Variants in PLPP3 observed in about 807,000 individuals in gnomAD.
PLPP3 encodes phospholipid phosphatase 3, also known as PAP2 beta.
A neutral mutation model predicts 29.6 loss-of-function variants in PLPP3; 6 were observed. That is an observed-to-expected ratio of 0.20 (90% confidence interval 0.11 to 0.40). The LOEUF (loss-of-function observed/expected upper bound fraction) is 0.40. Among genes scored for constraint, PLPP3 ranks in the 10% least tolerant of loss-of-function variants. PLPP3 has a pLI of 1.00. For missense variants in PLPP3, 308 were observed against 407.7 expected (o/e 0.76, Z 2.11); for synonymous variants, 152 against 159.7 (o/e 0.95, Z 0.36).
chr1:56,566,972 G>GA (rs1338174161), intron 1 of PLPP3, among the ~76,000 whole-genome samples: 1 of 152,174 alleles, frequency 6.6e-6, no homozygotes, highest in Non-Finnish European at 1.5e-5. Context: ...ATCAGGAACT[G>GA]AAAATAGATG....
chr1:56,575,724 G>A (rs1044899672), intron 1 of PLPP3, among the ~76,000 whole-genome samples: 1 of 152,122 alleles, frequency 6.6e-6, no homozygotes, highest in Non-Finnish European at 1.5e-5. Flanking sequence ...CTGAGACATG[G>A]TTTCTGGTTT....
intron 1 of PLPP3, among the ~76,000 whole-genome samples, chr1:56,545,500 A>G (rs1396957447): frequency 6.6e-6 from 1 of 152,174 alleles, no homozygotes; most frequent in Non-Finnish European, 1.5e-5. Context: ...AAGCATGCTC[A>G]TGAAGTCCTA....
At chr1:56,533,111 G>A (rs1645901506) in intron 2 of PLPP3, among the ~76,000 whole-genome samples, 1 of 151,460 alleles carries the variant, frequency 6.6e-6, no homozygotes, top group Non-Finnish European at 1.5e-5. Context: ...CTGGAGTGCA[G>A]TGGCATGATC....
intron 1 of PLPP3, among the ~76,000 whole-genome samples, chr1:56,551,167 C>T (rs2100282931): frequency 6.6e-6 from 1 of 152,270 alleles, no homozygotes; most frequent in South Asian, 2.1e-4. Context: ...TACATATTAT[C>T]CACAGATGTA....
At chr1:56,544,629 G>A (rs1415123476) in intron 1 of PLPP3, among the ~76,000 whole-genome samples, 2 of 152,206 alleles carry the variant, frequency 1.3e-5, no homozygotes, top group African/African-American at 4.8e-5. Context: ...ATTTGTTTCA[G>A]TATCCACTCT....
At chr1:56,532,208 G>A (rs1645893892) in intron 2 of PLPP3, among the ~76,000 whole-genome samples, 1 of 152,126 alleles carries the variant, frequency 6.6e-6, no homozygotes, top group Admixed American at 6.5e-5. Flanking sequence ...TTCCCCCAGG[G>A]ATAAGAAGGT....
At position 56,579,119 on chromosome 1, in the gene PLPP3, T is replaced by G; in HGVS notation, c.-103A>C. The G allele has an allele frequency of 6.8e-7, 1 of 1,473,122 alleles. No homozygotes were observed. The highest frequency in any genetic ancestry group is 9.0e-7 in the Non-Finnish European group (1 of 1,114,286). 91.3% of individuals were successfully genotyped at this position (1,473,122 alleles called of 1,614,324 possible). On this transcript the variant is annotated 5_prime_UTR_variant, in exon 1 of 6. Transcript: ENST00000371250. ...GCCTCCTGGCCGAGGCTGCTGCGGA[T>G]AGTGGCGGGTCGGCCCCGGCTCCGG...
intron 1 of PLPP3, among the ~76,000 whole-genome samples, chr1:56,578,301 T>C (rs1646250080): frequency 6.6e-6 from 1 of 152,262 alleles, no homozygotes; most frequent in South Asian, 2.1e-4. Context: ...ACTCAAGTGA[T>C]TGCTGAAGCC....
chr1:56,509,001 C>T (rs986174053), intron 5 of PLPP3, among the ~76,000 whole-genome samples: 1 of 152,198 alleles, frequency 6.6e-6, no homozygotes, highest in Non-Finnish European at 1.5e-5. Context: ...TCAGTAGCCA[C>T]AGCTTCCAGG....
At chr1:56,549,377 G>A (rs907811685) in intron 1 of PLPP3, among the ~76,000 whole-genome samples, 13 of 152,086 alleles carry the variant, frequency 8.5e-5, no homozygotes, top group African/African-American at 3.1e-4. Flanking sequence ...AGCAAGTCTG[G>A]GAGTTAAGTA....
intron 1 of PLPP3, among the ~76,000 whole-genome samples, chr1:56,572,253 T>C (rs1427180896): frequency 6.6e-6 from 1 of 152,018 alleles, no homozygotes; most frequent in Non-Finnish European, 1.5e-5. Flanking sequence ...TTTCACCATG[T>C]TGACCAGGCT....
intron 1 of PLPP3, among the ~76,000 whole-genome samples, chr1:56,545,683 TA>T (rs1249206888): frequency 6.6e-6 from 1 of 152,000 alleles, no homozygotes; most frequent in East Asian, 1.9e-4. Context: ...TTGAGAAAAA[TA>T]CATTTATTTT....
intron 4 of PLPP3, among the ~76,000 whole-genome samples, chr1:56,522,979 C>T (rs191263306): frequency 1.3e-5 from 2 of 152,268 alleles, no homozygotes; most frequent in Admixed American, 1.3e-4. Flanking sequence ...GGCACTTCAC[C>T]TGCATTACCC....
At chr1:56,538,764 C>T (rs1385658202) in intron 1 of PLPP3, 2 of 171,788 alleles carry the variant, frequency 1.2e-5, no homozygotes, top group East Asian at 1.6e-4. Context: ...GCTGAGATAA[C>T]TTCCTAAAAA....
chr1:56,541,784 C>T (rs1213055736), intron 1 of PLPP3, among the ~76,000 whole-genome samples: 1 of 152,074 alleles, frequency 6.6e-6, no homozygotes, highest in East Asian at 1.9e-4. Flanking sequence ...CTCATGGCCT[C>T]TGATGAAAAA....
At chr1:56,575,429 C>A (rs1428905860) in intron 1 of PLPP3, among the ~76,000 whole-genome samples, 1 of 152,152 alleles carries the variant, frequency 6.6e-6, no homozygotes, top group Admixed American at 6.5e-5. Context: ...CAAAAAACAT[C>A]CAAAAACGTG....
intron 1 of PLPP3, among the ~76,000 whole-genome samples, chr1:56,543,575 T>C (rs1295099473): frequency 6.6e-6 from 1 of 152,252 alleles, no homozygotes; most frequent in Non-Finnish European, 1.5e-5. Context: ...ACAGGGCTTC[T>C]ATTTAAAGTA....
intron 1 of PLPP3, among the ~76,000 whole-genome samples, chr1:56,551,693 T>A (rs1646040756): frequency 6.6e-6 from 1 of 152,158 alleles, no homozygotes; most frequent in African/African-American, 2.4e-5. Flanking sequence ...ATAGAATGGG[T>A]CTTGGCGAAT....
At chr1:56,500,008 G>T (rs575497470) in intron 5 of PLPP3, among the ~76,000 whole-genome samples, 4 of 152,300 alleles carry the variant, frequency 2.6e-5, no homozygotes, top group African/African-American at 9.6e-5. Context: ...AATAAATACA[G>T]TTCCAACAAA....
Sources: gnomAD v4.1 joint callset for allele counts (sites outside exome capture counted in the v4.1 genomes callset) on GRCh38, gnomAD v4.1.1 for gene constraint, MANE v1.5 for transcripts, NCBI Gene and HGNC (gene_info 2026-07-23, HGNC 2026-07-21) for gene names.